Variants in TDRD5 observed in about 807,000 individuals in gnomAD.
TDRD5 encodes the protein tudor domain-containing protein 5.
Under a neutral mutation model 120.6 loss-of-function variants are expected in TDRD5, and 41 were observed. The observed-to-expected ratio is 0.34, with a 90% CI of 0.26 to 0.44. TDRD5 has a LOEUF of 0.44. TDRD5 is among the 20% of genes least tolerant of loss of function. The pLI is 1.00. For synonymous variants in TDRD5, 430 were observed against 433.7 expected, an observed-to-expected ratio of 0.99 and a Z score of 0.11; for missense variants, 1,006 against 1,221.2, an observed-to-expected ratio of 0.82 and a Z score of 2.63.
intron 4 of TDRD5, among the ~76,000 whole-genome samples, chr1:179,598,199 A>C (rs75151275): frequency 0.051 from 7,761 of 152,348 alleles, 260 homozygotes; most frequent in Middle Eastern, 0.092. Flanking sequence ...TAGAAAAGGT[A>C]CAGAAAAAAT....
At chr1:179,608,735 G>GT (rs11374180) in intron 4 of TDRD5, among the ~76,000 whole-genome samples, 15,397 of 146,822 alleles carry the variant, frequency 0.1, 849 homozygotes, top group African/African-American at 0.14. Context: ...TGCCATTTCT[G>GT]TTTTTTTTTT....
chr1:179,623,710 T>A (rs1253579107), intron 6 of TDRD5, among the ~76,000 whole-genome samples: 1 of 147,304 alleles, frequency 6.8e-6, no homozygotes, highest in East Asian at 2.0e-4. Flanking sequence ...CTTGGGTTAC[T>A]GCAGCCTTGA....
chr1:179,609,073 G>GACAC (rs1676144019), intron 4 of TDRD5, among the ~76,000 whole-genome samples: 1 of 152,086 alleles, frequency 6.6e-6, no homozygotes, highest in African/African-American at 2.4e-5. Flanking sequence ...TATAAGAAGA[G>GACAC]ACACTAGAGA....
intron 4 of TDRD5, among the ~76,000 whole-genome samples, chr1:179,612,725 A>G (rs770395049): frequency 1.6e-4 from 24 of 152,190 alleles, no homozygotes; most frequent in Non-Finnish European, 2.1e-4. Flanking sequence ...ATTTGAGGTC[A>G]GGAGTTCAAG....
chr1:179,634,466 A>G lies in TDRD5; in HGVS notation c.1136A>G (p.Asp379Gly), dbSNP rs145919175. ...DKKPLPPVQS[D>G]KKIEAKACVS... The stretch of plus-strand genomic sequence containing the variant: ...GGAAATTTGTGTTTAGTTCAGTCAG[A>G]TAAGAAAATAGAAGCCAAAGCTTGT... The change falls in exon 8 of 18, where the codon GAT (aspartate) becomes GGT (glycine). Residue 379 changes from aspartate (D) to glycine (G), a missense_variant. Coordinates refer to ENST00000444136, the MANE Select transcript of TDRD5 (RefSeq NM_001199085.3). 19 of 1,596,588 alleles carry G rather than the reference A, an allele frequency of 1.2e-5. No individual in the cohort carries two copies. The African/African-American group carries it at 2.5e-4, about 21-fold the overall frequency.
At chr1:179,659,778 A>C (rs1180591013) in intron 14 of TDRD5, among the ~76,000 whole-genome samples, 2 of 151,436 alleles carry the variant, frequency 1.3e-5, no homozygotes, top group East Asian at 3.9e-4. Context: ...GCTCACCACA[A>C]CCTCCACCTC....
intron 11 of TDRD5, among the ~76,000 whole-genome samples, chr1:179,640,960 T>C (rs1678012271): frequency 6.6e-6 from 1 of 152,138 alleles, no homozygotes; most frequent in Non-Finnish European, 1.5e-5. Flanking sequence ...AGGATGTAAA[T>C]AGGAAACTGC....
intron 14 of TDRD5, among the ~76,000 whole-genome samples, chr1:179,657,457 A>G (rs1468434555): frequency 6.6e-6 from 1 of 152,056 alleles, no homozygotes. Context: ...AACTTCACTT[A>G]TCCATTCTAG....
At position 179,662,207 on chromosome 1, in the gene TDRD5, G is replaced by A; in HGVS notation, c.2426G>A (p.Gly809Asp). ...LPLQAKMGKG[G>D]DAASHLFTAS... ...CTACAGGCTAAGATGGGAAAAGGAG[G>A]TGATGCTGCCTCCCATCTATTTACT... The change falls in exon 15 of 18, where the codon GGT becomes GAT. Residue 809 changes from glycine (G) to aspartate (D), a missense_variant. Gly to Asp is a moderately conservative substitution (Grantham distance 94, BLOSUM62 -1). Transcript: ENST00000444136. The A allele has an allele frequency of 6.2e-7, 1 of 1,612,160 alleles. No homozygotes were observed. The highest frequency in any genetic ancestry group is 2.2e-5 in the East Asian group (1 of 44,740).
intron 8 of TDRD5, 31 bp downstream of exon 8, chr1:179,634,660 G>A (rs1192972115): frequency 8.3e-6 from 13 of 1,566,402 alleles, no homozygotes; most frequent in Non-Finnish European, 1.1e-5. Context: ...GTGCACTGGA[G>A]ATTCAGCATT....
intron 9 of TDRD5, among the ~76,000 whole-genome samples, chr1:179,637,217 C>A (rs1169902232): frequency 1.3e-5 from 2 of 152,186 alleles, no homozygotes; most frequent in Non-Finnish European, 2.9e-5. Context: ...GGACACCTGG[C>A]ATAATGTAAG....
rs755552371 is a variant in TDRD5 at position 179,669,391 on chromosome 1, G to T, written c.2847G>T (p.Lys949Asn). The T allele has an allele frequency of 6.2e-7, 1 of 1,613,970 alleles. No individual in the cohort carries two copies. Among genetic ancestry groups the T allele is most frequent in the Non-Finnish European group, 8.5e-7 (1 of 1,179,962 alleles). The change falls in exon 17 of 18, where the codon AAG becomes AAT. Residue 949 changes from lysine to asparagine, a missense_variant. Physicochemically the swap from Lys to Asn is moderately conservative, Grantham distance 94. Transcript: ENST00000444136. ...CTGCAGTGGATGATTCCGCAGAAAA[G>T]CCCTCTGGTTCTGGTATGTTTGTGT... Reference protein sequence around the residue: ...STTAVDDSAEKPSGSVESSPE... With the variant: ...STTAVDDSAENPSGSVESSPE...
chr1:179,615,860 C>T (rs1676539877), intron 4 of TDRD5, among the ~76,000 whole-genome samples: 2 of 151,668 alleles, frequency 1.3e-5, no homozygotes, highest in Non-Finnish European at 2.9e-5. Context: ...CTGAGATTGG[C>T]AAATATGTTC....
intron 17 of TDRD5, 143 bp from the exon 18 acceptor site, chr1:179,690,553 C>A: frequency 9.1e-7 from 1 of 1,097,294 alleles, no homozygotes; most frequent in South Asian, 1.7e-5. Context: ...TAAGTCTCAT[C>A]TTCTCTGATT....
chr1:179,606,071 G>A (rs189200587), intron 4 of TDRD5, among the ~76,000 whole-genome samples: 5 of 152,062 alleles, frequency 3.3e-5, no homozygotes, highest in African/African-American at 1.2e-4. Context: ...ATGAGTGAAT[G>A]TTTCTGTTGT....
At chr1:179,655,465 CAT>C (rs1195978460) in intron 14 of TDRD5, among the ~76,000 whole-genome samples, 3 of 152,018 alleles carry the variant, frequency 2.0e-5, no homozygotes, top group Non-Finnish European at 4.4e-5. Context: ...TAAATTAACA[CAT>C]AGTAAAATTG....
chr1:179,607,717 A>G (rs4390139), intron 4 of TDRD5, among the ~76,000 whole-genome samples: 48,756 of 151,634 alleles, frequency 0.32, 8,008 homozygotes, highest in Admixed American at 0.4. Context: ...ATTGTGATAC[A>G]TTTTAGTTCT....
At chr1:179,619,386 T>C (rs1676727362) in intron 5 of TDRD5, among the ~76,000 whole-genome samples, 1 of 152,188 alleles carries the variant, frequency 6.6e-6, no homozygotes, top group Admixed American at 6.6e-5. Flanking sequence ...TGAAAACTCT[T>C]TGGTGTTATG....
rs148846078 is a variant in TDRD5, at chr1:179,680,687, G to A, written c.2861-10009G>A. 1.8e-4 allele frequency among the ~76,000 whole-genome samples: 28 copies of A among 152,252 alleles called. 2 individuals are homozygous for A. The highest frequency in any genetic ancestry group is 1.8e-3 in the Admixed American group (28 of 15,296). ...ATACTTAAAATAGGTTTCTTGGCTA[G>A]GTGCTGTGGCTCACGCCTGTAATCC... On this transcript the variant is annotated intron_variant, in intron 17 of 17. Transcript: ENST00000444136.
Sources: gnomAD v4.1 joint callset for allele counts (sites outside exome capture counted in the v4.1 genomes callset) on GRCh38, gnomAD v4.1.1 for gene constraint, MANE v1.5 for transcripts, NCBI Gene and HGNC (gene_info 2026-07-23, HGNC 2026-07-21) for gene names.